CGRRF1: variants seen among roughly 807,000 people sequenced by gnomAD.
CGRRF1 encodes the protein cell growth regulator with ring finger domain 1.
A neutral mutation model predicts 37.2 loss-of-function variants in CGRRF1; 32 were observed. The observed-to-expected ratio is 0.86, with a 90% CI of 0.65 to 1.16. CGRRF1 has a LOEUF of 1.16. Among genes scored for constraint, CGRRF1 ranks in the 50% most tolerant of loss-of-function variants. CGRRF1 has a pLI of 0.00. For synonymous variants in CGRRF1, 141 were observed against 140.3 expected (o/e 1.00, Z -0.04); for missense variants, 391 against 382.6 (o/e 1.02, Z -0.18).
rs1259894465 is a variant in CGRRF1, at chr14:54,536,291, A to G, written c.571-1431A>G. ...TTTTTTAATAGCTGCATGGCACTGCACTGTGTGTATGCTGTGCATATTCCA... is the reference window on the plus strand; with the variant it reads ...TTTTTTAATAGCTGCATGGCACTGCGCTGTGTGTATGCTGTGCATATTCCA... On this transcript the variant is annotated intron_variant, in intron 4 of 5. Transcript: ENST00000216420. 4.6e-5 allele frequency: 7 copies of G among 151,918 alleles called. No individual in the cohort carries two copies. The East Asian group carries it at 1.2e-3, about 25-fold the overall frequency. The allele number at this position is 151,918 out of a possible 1,614,324, so 9.4% of individuals were successfully genotyped here. A position where few individuals can be genotyped will look rare whatever the true frequency, so the allele number is the denominator to read the frequency against.
At chr14:54,531,869 TACAC>T (rs374751687) in intron 4 of CGRRF1, among the ~76,000 whole-genome samples, 4 of 152,182 alleles carry the variant, frequency 2.6e-5, no homozygotes, top group African/African-American at 9.6e-5. Flanking sequence ...AAAATGTCCT[TACAC>T]ACAATTGACT....
At position 54,538,047 on chromosome 14, in the gene CGRRF1, T is replaced by C; in HGVS notation, c.679-16T>C. ...TTATTTATAATAATCTTTAAATTTA[T>C]TTCTTTGATTTTCAGCAACTTTTCA... On this transcript the variant is annotated splice_polypyrimidine_tract_variant and intron_variant, in intron 5 of 5. Transcript: ENST00000216420. 3.2e-6 allele frequency: 5 copies of C among 1,559,764 alleles called. No homozygotes were observed. Among genetic ancestry groups the C allele is most frequent in the Non-Finnish European group, 4.3e-6 (5 of 1,154,520 alleles).
intron 2 of CGRRF1, 60 bp downstream of exon 2, chr14:54,522,653 T>A: frequency 6.9e-7 from 1 of 1,453,296 alleles, no homozygotes; most frequent in Non-Finnish European, 9.3e-7. Context: ...TTAGCCCTTT[T>A]ATTTTCTTTC....
At chr14:54,510,311 G>A in intron 1 of CGRRF1, 1 of 523,688 alleles carries the variant, frequency 1.9e-6, no homozygotes, top group Non-Finnish European at 3.4e-6. Flanking sequence ...GCATTGGGGT[G>A]TTTTACTCAG....
At chr14:54,512,703 C>A (rs1236777677) in intron 1 of CGRRF1, among the ~76,000 whole-genome samples, 1 of 152,190 alleles carries the variant, frequency 6.6e-6, no homozygotes, top group Non-Finnish European at 1.5e-5. Flanking sequence ...CTGTCACTTG[C>A]CACAATAGTG....
intron 2 of CGRRF1, among the ~76,000 whole-genome samples, chr14:54,525,915 G>A (rs2032403506): frequency 6.6e-6 from 1 of 151,950 alleles, no homozygotes; most frequent in African/African-American, 2.4e-5. Flanking sequence ...GGCCAACATG[G>A]CGAAACCTCA....
chr14:54,524,149 G>A (rs953175075), intron 2 of CGRRF1, among the ~76,000 whole-genome samples: 1 of 152,012 alleles, frequency 6.6e-6, no homozygotes, highest in African/African-American at 2.4e-5. Flanking sequence ...TTGACCCCCA[G>A]CAGTCATCAA....
intron 4 of CGRRF1, among the ~76,000 whole-genome samples, chr14:54,535,016 G>A (rs2032577537): frequency 6.6e-6 from 1 of 152,056 alleles, no homozygotes; most frequent in South Asian, 2.1e-4. Flanking sequence ...ACCACACCCA[G>A]CCTACCCATA....
chr14:54,510,243 C>T (rs1239590479), intron 1 of CGRRF1, 180 bp downstream of exon 1: 4 of 598,144 alleles, frequency 6.7e-6, no homozygotes, highest in Non-Finnish European at 1.2e-5. Flanking sequence ...GCTGCACCTG[C>T]GTCACTGCCC....
Position 54,538,365 on chromosome 14 carries a change from C to T in CGRRF1, c.981C>T (p.Asp327=), listed in dbSNP as rs202061859. Residue 327 remains aspartate (D), a synonymous_variant, in exon 6 of 6, where the codon GAC becomes GAT. Coordinates refer to ENST00000216420, the MANE Select transcript of CGRRF1 (RefSeq NM_006568.3). The stretch of plus-strand genomic sequence containing the variant: ...GCAGTCAAAAAGAGCAAGATAAAGA[C>T]AAACCGAAGACTCTTTGAAGACATC... The part of the protein sequence containing the change: ...ALCSQKEQDK[D]KPKTL 533 of 1,609,194 alleles carry T rather than the reference C, an allele frequency of 3.3e-4. 1 individual carries two copies. The highest frequency in any genetic ancestry group is 1.2e-3 in the Middle Eastern group (7 of 6,068).
At chr14:54,515,036 G>C (rs963362372) in intron 1 of CGRRF1, among the ~76,000 whole-genome samples, 1 of 150,284 alleles carries the variant, frequency 6.7e-6, no homozygotes, top group Admixed American at 6.6e-5. Flanking sequence ...TTTGGTAAAT[G>C]TCCTAATGCA....
chr14:54,531,587 A>G (rs1481077208), intron 4 of CGRRF1, among the ~76,000 whole-genome samples: 1 of 152,168 alleles, frequency 6.6e-6, no homozygotes, highest in Admixed American at 6.6e-5. Flanking sequence ...TTAAGATAGT[A>G]TCCACTCTTT....
chr14:54,531,342 G>A (rs2032511821), intron 4 of CGRRF1, among the ~76,000 whole-genome samples: 1 of 151,904 alleles, frequency 6.6e-6, no homozygotes, highest in Non-Finnish European at 1.5e-5. Context: ...CACCTATTTA[G>A]TTTTTATATG....
At chr14:54,520,526 G>A (rs1020060980) in intron 1 of CGRRF1, among the ~76,000 whole-genome samples, 22 of 152,100 alleles carry the variant, frequency 1.4e-4, no homozygotes, top group Non-Finnish European at 1.9e-4. Context: ...GAACGTTACC[G>A]TCAATTTTCT....
chr14:54,521,054 C>T (rs1307224411), intron 1 of CGRRF1, among the ~76,000 whole-genome samples: 7 of 152,142 alleles, frequency 4.6e-5, no homozygotes, highest in Admixed American at 3.9e-4. Context: ...AATTTAGCCC[C>T]TTTCATTTTC....
rs2032645432 is a variant in CGRRF1 at position 54,538,837 on chromosome 14, A to T, written c.*454A>T. The T allele has an allele frequency of 6.5e-6, 1 of 154,108 alleles. No homozygotes were observed. The highest frequency in any genetic ancestry group is 2.4e-5 in the African/African-American group (1 of 41,466). The allele number at this position is 154,108 out of a possible 1,614,324, so 9.5% of individuals were successfully genotyped here. Reference sequence around the variant, plus strand: ...CAAAGGAGTTGGAATGAGCTTCTTTAGATCTTTTCCTGAAATAACAGCTTT... The same window carrying T: ...CAAAGGAGTTGGAATGAGCTTCTTTTGATCTTTTCCTGAAATAACAGCTTT... On this transcript the variant is annotated 3_prime_UTR_variant, in exon 6 of 6. Coordinates refer to ENST00000216420, the MANE Select transcript of CGRRF1 (RefSeq NM_006568.3).
intron 1 of CGRRF1, among the ~76,000 whole-genome samples, chr14:54,519,383 G>A (rs1294884960): frequency 6.7e-6 from 1 of 148,826 alleles, no homozygotes; most frequent in African/African-American, 2.5e-5. Flanking sequence ...GACCACAGGT[G>A]TACACCACCA....
chr14:54,528,403 G>C (rs935872956), intron 2 of CGRRF1, among the ~76,000 whole-genome samples: 10 of 151,566 alleles, frequency 6.6e-5, no homozygotes, highest in Admixed American at 6.6e-4. Context: ...CCAGCATTTT[G>C]CTATGATAAC....
intron 4 of CGRRF1, 25 bp from the exon 5 acceptor site, chr14:54,537,697 G>T: frequency 1.3e-6 from 2 of 1,520,308 alleles, no homozygotes; most frequent in South Asian, 2.7e-5. Context: ...TTTAAGTACT[G>T]ACCAGTGTTC....
Sources: gnomAD v4.1 joint callset for allele counts (sites outside exome capture counted in the v4.1 genomes callset) on GRCh38, gnomAD v4.1.1 for gene constraint, MANE v1.5 for transcripts, NCBI Gene and HGNC (gene_info 2026-07-23, HGNC 2026-07-21) for gene names.